SPAG16: variants seen among roughly 807,000 people sequenced by gnomAD.
SPAG16 encodes sperm associated antigen 16, also known as sperm-associated antigen 16 protein.
SPAG16 carries 86 observed loss-of-function variants against 80.4 expected under a neutral mutation model. The ratio of observed to expected loss-of-function variants is 1.07; its 90% confidence interval spans 0.90 to 1.28. The LOEUF is 1.28. Ranked by LOEUF, SPAG16 falls within the 50% of genes most tolerant of loss-of-function variation. The probability of loss-of-function intolerance (pLI) is 0.00; values close to 1 mark genes in which losing one functional copy is unlikely to be tolerated. For synonymous variants in SPAG16, 294 were observed against 265.9 expected (o/e 1.11, Z -1.03); for missense variants, 870 against 765.3 (o/e 1.14, Z -1.61).
At chr2:213,354,402 C>A (rs572458272) in intron 7 of SPAG16, among the ~76,000 whole-genome samples, 19 of 152,056 alleles carry the variant, frequency 1.2e-4, no homozygotes, top group Non-Finnish European at 2.5e-4. Flanking sequence ...GTATATACCC[C>A]GTAATGGGAT....
chr2:214,009,767 T>C (rs2047197497), intron 12 of SPAG16, among the ~76,000 whole-genome samples: 3 of 152,156 alleles, frequency 2.0e-5, no homozygotes. Context: ...AAAGATTTTG[T>C]AGGAGACAAC....
intron 10 of SPAG16, among the ~76,000 whole-genome samples, chr2:213,612,803 C>T (rs2061478739): frequency 6.6e-6 from 1 of 152,140 alleles, no homozygotes; most frequent in Admixed American, 6.5e-5. Flanking sequence ...CCTGCCTTAG[C>T]CTCCCGAGTA....
chr2:213,952,359 G>A lies in SPAG16; in HGVS notation c.1400+22214G>A, dbSNP rs1375512916. 4.0e-5 allele frequency among the ~76,000 whole-genome samples: 6 copies of A among 151,740 alleles called. No homozygotes were observed. The East Asian group carries it at 1.2e-3, about 29-fold the overall frequency. On this transcript the variant is annotated intron_variant, in intron 12 of 15. Coordinates refer to ENST00000331683, the MANE Select transcript of SPAG16 (RefSeq NM_024532.5). Reference sequence around the variant, plus strand: ...AAGGAGACGTTTATAGAGATTTTTGGTCATAAAAGACAGTTGTAACCATTC... The same window carrying A: ...AAGGAGACGTTTATAGAGATTTTTGATCATAAAAGACAGTTGTAACCATTC...
intron 15 of SPAG16, among the ~76,000 whole-genome samples, chr2:214,173,366 G>T (rs868495043): frequency 6.6e-6 from 1 of 151,774 alleles, no homozygotes; most frequent in Non-Finnish European, 1.5e-5. Flanking sequence ...TCCTTTCCCC[G>T]TTGCTTGTTT....
At chr2:213,928,314 T>G (rs573418366) in intron 11 of SPAG16, among the ~76,000 whole-genome samples, 3 of 151,518 alleles carry the variant, frequency 2.0e-5, no homozygotes, top group Non-Finnish European at 4.4e-5. Context: ...GGATGGTCTC[T>G]ATCTCCTGAC....
intron 10 of SPAG16, among the ~76,000 whole-genome samples, chr2:213,686,965 G>T (rs770812436): frequency 2.0e-5 from 3 of 152,194 alleles, no homozygotes; most frequent in Non-Finnish European, 4.4e-5. Context: ...TTACAGGTGT[G>T]AGCCACCATT....
intron 14 of SPAG16, among the ~76,000 whole-genome samples, chr2:214,119,734 T>C (rs1459293660): frequency 1.3e-5 from 2 of 152,236 alleles, no homozygotes; most frequent in South Asian, 4.1e-4. Context: ...TTTTCTCTCC[T>C]TCCTGCAGGG....
chr2:213,737,939 AT>A (rs1319734212), intron 10 of SPAG16, among the ~76,000 whole-genome samples: 1 of 152,190 alleles, frequency 6.6e-6, no homozygotes, highest in African/African-American at 2.4e-5. Flanking sequence ...TTTTAAAAAA[AT>A]TCTGCCCCTC....
chr2:213,911,317 G>C (rs1306735419), intron 11 of SPAG16, among the ~76,000 whole-genome samples: 20 of 151,952 alleles, frequency 1.3e-4, no homozygotes, highest in Non-Finnish European at 2.9e-5. Flanking sequence ...GCTAATTTTT[G>C]TATTTTTTCT....
At chr2:213,747,131 A>G (rs778136562) in intron 10 of SPAG16, among the ~76,000 whole-genome samples, 1 of 152,196 alleles carries the variant, frequency 6.6e-6, no homozygotes, top group Non-Finnish European at 1.5e-5. Context: ...GGCCTAGGCT[A>G]AGTATGTGCT....
chr2:213,777,318 C>T (rs2372100), intron 10 of SPAG16, among the ~76,000 whole-genome samples: 46,619 of 141,954 alleles, frequency 0.33, 7,574 homozygotes, highest in Middle Eastern at 0.45. Flanking sequence ...GCAATCTCGG[C>T]TTACTGCAAC....
intron 5 of SPAG16, among the ~76,000 whole-genome samples, chr2:213,319,539 T>C (rs537048859): frequency 6.6e-6 from 1 of 152,098 alleles, no homozygotes; most frequent in African/African-American, 2.4e-5. Flanking sequence ...CAAAAGTGTT[T>C]TGTACTGTTT....
intron 12 of SPAG16, among the ~76,000 whole-genome samples, chr2:214,004,504 G>A (rs2046938921): frequency 6.6e-6 from 1 of 152,094 alleles, no homozygotes; most frequent in Non-Finnish European, 1.5e-5. Context: ...TATCTCAAAG[G>A]GATAAAGGAA....
intron 13 of SPAG16, among the ~76,000 whole-genome samples, chr2:214,078,533 CAAAA>C (rs35101370): frequency 0.034 from 3,942 of 117,094 alleles, 171 homozygotes; most frequent in African/African-American, 0.11. Context: ...GAGCCTGTCT[CAAAA>C]AAAAAAAAAA....
chr2:213,507,905 T>C (rs2075033448), intron 10 of SPAG16, among the ~76,000 whole-genome samples: 1 of 152,206 alleles, frequency 6.6e-6, no homozygotes, highest in African/African-American at 2.4e-5. Flanking sequence ...ATCAATAGTG[T>C]ATGGTAAGAG....
intron 9 of SPAG16, among the ~76,000 whole-genome samples, chr2:213,486,018 T>C (rs1165037022): frequency 1.3e-5 from 2 of 152,168 alleles, no homozygotes; most frequent in African/African-American, 2.4e-5. Flanking sequence ...TTTGTAAAGT[T>C]CACATCAGTA....
chr2:214,275,029 G>T lies in SPAG16; in HGVS notation c.1720+125763G>T, dbSNP rs1039699469. 3.3e-5 allele frequency among the ~76,000 whole-genome samples: 5 copies of T among 152,258 alleles called. No homozygotes were observed. In the East Asian group the frequency reaches 9.7e-4, roughly 29 times the overall value. On this transcript the variant is annotated intron_variant, in intron 15 of 15. Transcript: ENST00000331683. Reference sequence around the variant, plus strand: ...TTCTTCCTGGTTTAGTGTTGGGAGGGTGTATATGTCCAGGAATTTATCTAT... The same window carrying T: ...TTCTTCCTGGTTTAGTGTTGGGAGGTTGTATATGTCCAGGAATTTATCTAT...
At chr2:213,950,093 T>G (rs1368044068) in intron 12 of SPAG16, among the ~76,000 whole-genome samples, 4 of 152,180 alleles carry the variant, frequency 2.6e-5, no homozygotes, top group Non-Finnish European at 5.9e-5. Flanking sequence ...AGAAGGAGGA[T>G]TCACCTGAAT....
Position 214,355,616 on chromosome 2 carries a change from G to A in SPAG16, c.1721-54524G>A, listed in dbSNP as rs1233069162. Among the ~76,000 whole-genome samples the A allele has an allele frequency of 7.5e-5, 11 of 146,846 alleles. No homozygotes were observed. In the East Asian group the frequency reaches 8.1e-4, roughly 11 times the overall value. ...CAACCATTGTGGAAGTCAGTGTGGCGATTCCTCAGGGATCTAGAACTAGAA... is the reference window on the plus strand; with the variant it reads ...CAACCATTGTGGAAGTCAGTGTGGCAATTCCTCAGGGATCTAGAACTAGAA... On this transcript the variant is annotated intron_variant, in intron 15 of 15. Coordinates refer to ENST00000331683, the MANE Select transcript of SPAG16 (RefSeq NM_024532.5).
Sources: gnomAD v4.1 joint callset for allele counts (sites outside exome capture counted in the v4.1 genomes callset) on GRCh38, gnomAD v4.1.1 for gene constraint, MANE v1.5 for transcripts, NCBI Gene and HGNC (gene_info 2026-07-23, HGNC 2026-07-21) for gene names.